NPSR1: variants seen among roughly 807,000 people sequenced by gnomAD.
NPSR1 encodes the protein neuropeptide S receptor 1, also known as neuropeptide S receptor.
In NPSR1, 48 loss-of-function variants were observed where a neutral mutation model predicts 46.9. That is an observed-to-expected ratio of 1.02 (90% CI 0.81 to 1.30). NPSR1 has a LOEUF of 1.30. Ranked by LOEUF, NPSR1 falls within the 50% of genes most tolerant of loss-of-function variation. The probability of loss-of-function intolerance (pLI) is 0.00; values close to 1 mark genes in which losing one functional copy is unlikely to be tolerated. For missense variants in NPSR1, 450 were observed against 449.5 expected, an observed-to-expected ratio of 1.00 and a Z score of -0.01; for synonymous variants, 176 against 168.1, an observed-to-expected ratio of 1.05 and a Z score of -0.36.
intron 5 of NPSR1, among the ~76,000 whole-genome samples, chr7:34,829,808 T>C (rs1379492145): frequency 6.6e-6 from 1 of 152,168 alleles, no homozygotes; most frequent in African/African-American, 2.4e-5. Flanking sequence ...TTGAGGGAAA[T>C]GATTTCAAAA....
chr7:34,847,847 C>G (rs1790794353), intron 7 of NPSR1, among the ~76,000 whole-genome samples: 1 of 152,176 alleles, frequency 6.6e-6, no homozygotes, highest in South Asian at 2.1e-4. Context: ...TCAAAATTAA[C>G]CATCACACCT....
intron 2 of NPSR1, among the ~76,000 whole-genome samples, chr7:34,765,927 T>C (rs1786408788): frequency 6.6e-6 from 1 of 152,188 alleles, no homozygotes; most frequent in African/African-American, 2.4e-5. Flanking sequence ...AATCCAGCTA[T>C]TGGGCATTAT....
At chr7:34,871,215 T>C (rs1406134054) in intron 8 of NPSR1, among the ~76,000 whole-genome samples, 2 of 151,652 alleles carry the variant, frequency 1.3e-5, no homozygotes, top group African/African-American at 4.9e-5. Flanking sequence ...GGAACCAGTA[T>C]GTCACATGGC....
intron 3 of NPSR1, among the ~76,000 whole-genome samples, chr7:34,785,173 C>G (rs1472169864): frequency 2.0e-5 from 3 of 151,774 alleles, no homozygotes; most frequent in African/African-American, 7.3e-5. Context: ...AAATGTGGCA[C>G]ATATACACCA....
In NPSR1 at chr7:34,802,579, A is replaced by T. The variant is rs1788475096; in HGVS notation, c.385-9191A>T. Among the ~76,000 whole-genome samples the T allele has an allele frequency of 2.7e-5, 4 of 150,378 alleles. No individual in the cohort carries two copies. In the South Asian group the frequency reaches 8.3e-4, roughly 31 times the overall value. On this transcript the variant is annotated intron_variant, in intron 3 of 8. Coordinates refer to ENST00000360581, the MANE Select transcript of NPSR1 (RefSeq NM_207172.2). ...CAAAAATCAATTCAAGATGGATTAA[A>T]GACTAAATTGTTAGACCTAAAACCA...
intron 8 of NPSR1, among the ~76,000 whole-genome samples, chr7:34,867,595 AGT>A (rs1159288217): frequency 6.6e-6 from 1 of 151,940 alleles, no homozygotes; most frequent in Admixed American, 6.5e-5. Flanking sequence ...ATAGCTGTGA[AGT>A]AGTGTCATCT....
chr7:34,774,589 AT>A (rs1277152985), intron 2 of NPSR1, among the ~76,000 whole-genome samples: 2 of 152,202 alleles, frequency 1.3e-5, no homozygotes, highest in Non-Finnish European at 2.9e-5. Flanking sequence ...CAAAAGGTGT[AT>A]AACTTTGTAC....
At chr7:34,808,013 T>C (rs1788794972) in intron 3 of NPSR1, among the ~76,000 whole-genome samples, 1 of 152,064 alleles carries the variant, frequency 6.6e-6, no homozygotes, top group African/African-American at 2.4e-5. Context: ...ACTGGGAGAT[T>C]ATTCTGGTTT....
rs189377692 is a variant in NPSR1 at position 34,700,355 on chromosome 7, A to T, written c.280+15671A>T. 2.8e-3 allele frequency among the ~76,000 whole-genome samples: 430 copies of T among 152,318 alleles called. 1 individual carries two copies. The highest frequency in any genetic ancestry group is 4.9e-3 in the Non-Finnish European group (336 of 68,022). On this transcript the variant is annotated intron_variant, in intron 2 of 8. Coordinates refer to ENST00000360581, the MANE Select transcript of NPSR1 (RefSeq NM_207172.2). Reference sequence around the variant, plus strand: ...AGGGTGGCAGGGAAAGTCACTAGCAAACATGGCCACAATAATGGAAACTAA... The same window carrying T: ...AGGGTGGCAGGGAAAGTCACTAGCATACATGGCCACAATAATGGAAACTAA...
chr7:34,809,348 T>A (rs1007113437), intron 3 of NPSR1, among the ~76,000 whole-genome samples: 60 of 152,114 alleles, frequency 3.9e-4, no homozygotes, highest in Non-Finnish European at 7.4e-4. Flanking sequence ...TTTCTTTTTT[T>A]AAACCTTTTT....
At chr7:34,782,429 A>G (rs1040973759) in intron 3 of NPSR1, among the ~76,000 whole-genome samples, 1 of 152,110 alleles carries the variant, frequency 6.6e-6, no homozygotes, top group South Asian at 2.1e-4. Flanking sequence ...GACCCTATCA[A>G]TTCTTGCTGC....
intron 3 of NPSR1, among the ~76,000 whole-genome samples, chr7:34,788,076 G>C (rs943988736): frequency 2.6e-5 from 4 of 152,082 alleles, no homozygotes; most frequent in African/African-American, 9.7e-5. Flanking sequence ...AGGTATATTT[G>C]TAGTGTGTTA....
chr7:34,849,717 G>C lies in NPSR1; in HGVS notation c.*62G>C, dbSNP rs549742939. 2.5e-6 allele frequency: 4 copies of C among 1,597,200 alleles called. No homozygotes were observed. The highest frequency in any genetic ancestry group is 3.4e-5 in the Admixed American group (2 of 58,000). On this transcript the variant is annotated 3_prime_UTR_variant, in exon 9 of 9. Transcript: ENST00000360581. Reference sequence around the variant, plus strand: ...CAGCTCTCCCAGGTCCTTGTCACCTGCTTGGGCACGTGCATGGAACCCGAG... The same window carrying C: ...CAGCTCTCCCAGGTCCTTGTCACCTCCTTGGGCACGTGCATGGAACCCGAG...
intron 3 of NPSR1, among the ~76,000 whole-genome samples, chr7:34,796,753 C>G (rs1001311024): frequency 6.6e-6 from 1 of 152,210 alleles, no homozygotes; most frequent in East Asian, 1.9e-4. Flanking sequence ...AGCACAGCCA[C>G]TTCAGCGACA....
chr7:34,856,397 T>G (rs180859377), intron 8 of NPSR1, among the ~76,000 whole-genome samples: 10 of 151,838 alleles, frequency 6.6e-5, no homozygotes, highest in Admixed American at 5.9e-4. Flanking sequence ...GCTTCCTTTT[T>G]GCCCTTGGAG....
intron 6 of NPSR1, among the ~76,000 whole-genome samples, chr7:34,837,644 G>A (rs1258495166): frequency 6.6e-6 from 1 of 152,212 alleles, no homozygotes; most frequent in East Asian, 1.9e-4. Flanking sequence ...GTCTCTCACA[G>A]ACAGAAGACA....
At chr7:34,855,820 A>G (rs1378270779) in intron 8 of NPSR1, among the ~76,000 whole-genome samples, 2 of 152,200 alleles carry the variant, frequency 1.3e-5, no homozygotes, top group East Asian at 1.9e-4. Context: ...CATATGTGAC[A>G]AAACTGGTTT....
At chr7:34,767,585 A>G (rs1260729043) in intron 2 of NPSR1, among the ~76,000 whole-genome samples, 2 of 152,188 alleles carry the variant, frequency 1.3e-5, no homozygotes, top group African/African-American at 2.4e-5. Context: ...TAAGAAAAGG[A>G]CAAAGAAAGT....
At chr7:34,790,987 T>TATATATC (rs1562730322) in intron 3 of NPSR1, among the ~76,000 whole-genome samples, 11 of 98,864 alleles carry the variant, frequency 1.1e-4, no homozygotes, top group African/African-American at 3.6e-4. Flanking sequence ...TATGTTATAT[T>TATATATC]ATATATGTTA....
Sources: allele counts gnomAD v4.1 joint callset (sites outside exome capture counted in the v4.1 genomes callset), GRCh38; gene constraint gnomAD v4.1.1; transcripts MANE v1.5; gene names NCBI Gene and HGNC (gene_info 2026-07-23, HGNC 2026-07-21).